The following PNPLA6 variants were observed in gnomAD, a reference collection of about 807,000 sequenced individuals.
PNPLA6 encodes the protein patatin-like phospholipase domain-containing protein 6.
Under a neutral mutation model 153.7 loss-of-function variants are expected in PNPLA6, and 105 were observed. That is an observed-to-expected ratio of 0.68 (90% confidence interval 0.58 to 0.80). PNPLA6 has a LOEUF of 0.80. Among genes scored for constraint, PNPLA6 ranks in the 30% least tolerant of loss-of-function variants. The pLI, the probability that PNPLA6 is intolerant of heterozygous loss-of-function variation, is 0.00. For synonymous variants in PNPLA6, 825 were observed against 822.2 expected (o/e 1.00, Z -0.06); for missense variants, 1,423 against 1,919.3 (o/e 0.74, Z 4.83).
At chr19:7,546,255 A>G (rs2023381786) in intron 13 of PNPLA6, among the ~76,000 whole-genome samples, 1 of 152,164 alleles carries the variant, frequency 6.6e-6, no homozygotes, top group Admixed American at 6.5e-5. Context: ...AGTGGGCCTC[A>G]AGTGAAACAA....
chr19:7,535,689 G>T, upstream of PNPLA6: 1 of 1,526,998 alleles, frequency 6.5e-7, no homozygotes, highest in South Asian at 1.2e-5. This position sits in a 1 kb window ranked among gnomAD's most constrained non-coding sequence, Gnocchi z 5.0. Context: ...CGCTGCGTCC[G>T]CTCGGGCGGA....
In PNPLA6 at chr19:7,560,660, C is replaced by A. The variant is rs143072391; in HGVS notation, c.3712C>A (p.Gln1238Lys). The A allele has an allele frequency of 6.2e-7, 1 of 1,612,082 alleles. No homozygotes were observed. The highest frequency in any genetic ancestry group is 8.5e-7 in the Non-Finnish European group (1 of 1,178,186). Residue 1238 changes from glutamine (Q) to lysine (K), a missense_variant, in exon 29 of 32, where the codon CAG (glutamine) becomes AAG (lysine). This residue lies in a region of PNPLA6 where 643 missense variants were observed against 835.2 expected (regional missense o/e 0.77). Coordinates refer to ENST00000600737, the MANE Select transcript of PNPLA6 (RefSeq NM_001166114.2). ...KFDQIYDVGY[Q>K]YGKAVFGGWS... ...TCATTTCCCACAGGATGTGGGCTAC[C>A]AGTACGGGAAGGCGGTGTTTGGAGG...
intron 27 of PNPLA6, among the ~76,000 whole-genome samples, chr19:7,558,238 C>CATG (rs1201664095): frequency 6.6e-6 from 1 of 152,184 alleles, no homozygotes; most frequent in Non-Finnish European, 1.5e-5. Flanking sequence ...TATGAACAGA[C>CATG]ATGTACGCCA....
In PNPLA6 at chr19:7,555,258, T is replaced by C. The variant is rs1408191872; in HGVS notation, c.2827T>C (p.Tyr943His). 6.3e-7 allele frequency: 1 copy of C among 1,597,572 alleles called. No individual in the cohort carries two copies. Among genetic ancestry groups the C allele is most frequent in the Non-Finnish European group, 8.5e-7 (1 of 1,172,060 alleles). ...ATCTCCCCCATCCCAGCATGAGCTC[T>C]ACGAGAAGGTTTTCTCCAGGCGCGC... Reference protein sequence around the residue: ...RRSPAKLHELYEKVFSRRADR... With the variant: ...RRSPAKLHELHEKVFSRRADR... The change falls in exon 23 of 32, where the codon TAC (tyrosine) becomes CAC (histidine). Residue 943 changes from tyrosine (Y) to histidine (H), a missense_variant. Around this residue, in one of 10 missense-constraint regions of PNPLA6, gnomAD observed 643 missense variants for 835.2 expected, o/e 0.77. Transcript: ENST00000600737. The surrounding 1 kb of genome is among the most constrained non-coding windows in gnomAD (Gnocchi z 6.3).
Position 7,540,972 on chromosome 19 carries a change from C to G in PNPLA6, c.845C>G (p.Ser282Cys). 1.9e-6 allele frequency: 3 copies of G among 1,611,390 alleles called. No individual in the cohort carries two copies. The highest frequency in any genetic ancestry group is 2.5e-6 in the Non-Finnish European group (3 of 1,179,462). The change falls in exon 7 of 32, where the codon TCC becomes TGC. Residue 282 changes from serine (S) to cysteine (C), a missense_variant. Ser to Cys is a moderately radical substitution (Grantham distance 112). This residue lies in a region of PNPLA6 where 118 missense variants were observed against 158.8 expected (regional missense o/e 0.74). Transcript: ENST00000600737. The surrounding 1 kb of genome is among the most constrained non-coding windows in gnomAD (Gnocchi z 6.8). ...RTVSARAARD[S>C]TVLRLPVEAF... ...GTGTCTGCCCGGGCGGCCCGGGACTCCACGGTGCTGCGCCTGCCGGTGGAA... is the reference window on the plus strand; with the variant it reads ...GTGTCTGCCCGGGCGGCCCGGGACTGCACGGTGCTGCGCCTGCCGGTGGAA...
chr19:7,551,646 G>C (rs375214958), intron 18 of PNPLA6, among the ~76,000 whole-genome samples: 10 of 152,284 alleles, frequency 6.6e-5, no homozygotes, highest in African/African-American at 1.9e-4. Flanking sequence ...GGGAAACGAA[G>C]TCCTCGACCC....
rs369854428 is a variant in PNPLA6 at position 7,550,005 on chromosome 19, G to A, written c.1707G>A (p.Gly569=). 1.9e-6 allele frequency: 3 copies of A among 1,613,980 alleles called. No individual in the cohort carries two copies. Among genetic ancestry groups the A allele is most frequent in the Non-Finnish European group, 2.5e-6 (3 of 1,180,056 alleles). Residue 569 remains glycine (G), a synonymous_variant, in exon 14 of 32, where the codon GGG becomes GGA. Transcript: ENST00000600737. ...TGTGCCTGTTCGTAGCGCAGCCCGGGGAACTGGTGGGGCAGCTGGCGGTGC... is the reference window on the plus strand; with the variant it reads ...TGTGCCTGTTCGTAGCGCAGCCCGGAGAACTGGTGGGGCAGCTGGCGGTGC... ...EDVCLFVAQP[G]ELVGQLAVLT... is the part of the protein sequence containing the mutation.
At chr19:7,536,373 AG>A in intron 2 of PNPLA6, 75 bp from the exon 3 acceptor site, 1 of 1,396,624 alleles carries the variant, frequency 7.2e-7, no homozygotes. Flanking sequence ...TCCTTGATGG[AG>A]ACCCCCTGGA....
Position 7,539,943 on chromosome 19 carries a change from C to A in PNPLA6, c.439C>A (p.Pro147Thr). Reference protein sequence around the residue: ...KKILRIQKETPTLQRKEPPPA... With the variant: ...KKILRIQKETTTLQRKEPPPA... ...GATCCTGCGCATCCAGAAAGAGACG[C>A]CCACGCTGCAGCGGAAGGAGCCCCC... The change falls in exon 4 of 32, where the codon CCC (proline) becomes ACC (threonine). Residue 147 changes from proline to threonine, a missense_variant. Around this residue, in one of 10 missense-constraint regions of PNPLA6, gnomAD observed 74 missense variants for 171.3 expected, o/e 0.43. Coordinates refer to ENST00000600737, the MANE Select transcript of PNPLA6 (RefSeq NM_001166114.2). 6.4e-7 allele frequency: 1 copy of A among 1,560,248 alleles called. No individual in the cohort carries two copies. Among genetic ancestry groups the A allele is most frequent in the Non-Finnish European group, 8.7e-7 (1 of 1,153,668 alleles).
chr19:7,549,231 C>G (rs1246028091), intron 13 of PNPLA6, among the ~76,000 whole-genome samples: 18 of 144,390 alleles, frequency 1.2e-4, no homozygotes, highest in East Asian at 1.1e-3. Flanking sequence ...CTGTCGCCCA[C>G]GCTGGAGTGC....
In PNPLA6 at chr19:7,561,248, C is replaced by T. The variant is rs34030828; in HGVS notation, c.3954C>T (p.Ala1318=). The change falls in exon 31 of 32, where the codon GCC becomes GCT. Residue 1318 remains alanine (A), a synonymous_variant. Transcript: ENST00000600737. The part of the protein sequence containing the change: ...SDCLTEYEED[A]GPDCSRDEGG... ...GTCTGACAGAGTATGAGGAGGACGC[C>T]GGACCCGACTGCTCGAGGGATGAAG... The T allele has an allele frequency of 8.9e-4, 1,435 of 1,610,718 alleles. 8 individuals carry two copies. The African/African-American group carries it at 0.013, about 14-fold the overall frequency.
chr19:7,558,040 C>T (rs1416528125), intron 27 of PNPLA6, among the ~76,000 whole-genome samples: 4 of 152,204 alleles, frequency 2.6e-5, no homozygotes, highest in Admixed American at 2.6e-4. Flanking sequence ...TGAAATAGGG[C>T]ATTTGCCAAC....
chr19:7,535,511 C>T (rs1248091239), upstream of PNPLA6: 4 of 1,581,580 alleles, frequency 2.5e-6, no homozygotes, highest in Middle Eastern at 3.3e-4. The surrounding 1 kb of genome is among the most constrained non-coding windows in gnomAD (Gnocchi z 5.0). Flanking sequence ...TTTCCCAGGA[C>T]TCCGGGCTAC....
At chr19:7,546,446 T>C (rs1310064502) in intron 13 of PNPLA6, among the ~76,000 whole-genome samples, 1 of 151,786 alleles carries the variant, frequency 6.6e-6, no homozygotes, top group Non-Finnish European at 1.5e-5. Context: ...CTGGGCATCA[T>C]GGCAAAACCC....
chr19:7,552,856 G>T (rs2023717795), intron 18 of PNPLA6, among the ~76,000 whole-genome samples: 1 of 151,998 alleles, frequency 6.6e-6, no homozygotes, highest in Non-Finnish European at 1.5e-5. Flanking sequence ...ATCTTGCCGT[G>T]TGGCTGAAAG....
intron 18 of PNPLA6, among the ~76,000 whole-genome samples, chr19:7,552,734 A>G (rs377672432): frequency 2.8e-5 from 4 of 144,654 alleles, no homozygotes; most frequent in African/African-American, 1.0e-4. Context: ...CAGCCTGGGC[A>G]ACCAGAGCAA....
Position 7,555,261 on chromosome 19 carries a change from G to A in PNPLA6, c.2830G>A (p.Glu944Lys). 6.3e-7 allele frequency: 1 copy of A among 1,598,018 alleles called. No homozygotes were observed. The highest frequency in any genetic ancestry group is 8.5e-7 in the Non-Finnish European group (1 of 1,172,372). ...RSPAKLHELY[E>K]KVFSRRADRH... ...TCCCCCATCCCAGCATGAGCTCTAC[G>A]AGAAGGTTTTCTCCAGGCGCGCGGA... The change falls in exon 23 of 32, where the codon GAG (glutamate) becomes AAG (lysine). Residue 944 changes from glutamate (E) to lysine (K), a missense_variant. By Grantham distance (56) the Glu-to-Lys change is moderately conservative (BLOSUM62 1). Coordinates refer to ENST00000600737, the MANE Select transcript of PNPLA6 (RefSeq NM_001166114.2). The surrounding 1 kb of genome is among the most constrained non-coding windows in gnomAD (Gnocchi z 6.3).
intron 16 of PNPLA6, 106 bp downstream of exon 16, chr19:7,550,746 C>A: frequency 6.9e-7 from 1 of 1,445,470 alleles, no homozygotes; most frequent in South Asian, 1.2e-5. Context: ...ATGCAGCTCC[C>A]GACCTCTGAG....
intron 2 of PNPLA6, 78 bp downstream of exon 2, chr19:7,536,351 G>A (rs960071568): frequency 2.1e-6 from 3 of 1,412,458 alleles, no homozygotes; most frequent in African/African-American, 2.8e-5. Flanking sequence ...CTTAGTGTCC[G>A]CCACCGCTCC....
Sources: gnomAD v4.1 joint callset for allele counts (sites outside exome capture counted in the v4.1 genomes callset) on GRCh38, gnomAD v4.1.1 for gene constraint, gnomAD v4.1.1 regional missense constraint, Gnocchi (gnomAD v3.1) non-coding constraint, MANE v1.5 for transcripts, NCBI Gene and HGNC (gene_info 2026-07-23, HGNC 2026-07-21) for gene names.